Variants in PDILT observed in about 807,000 individuals in gnomAD.
PDILT encodes the protein protein disulfide-isomerase-like protein of the testis.
PDILT carries 43 observed loss-of-function variants against 53.7 expected under a neutral mutation model. The observed-to-expected ratio is 0.80, with a 90% CI of 0.63 to 1.03. The LOEUF (loss-of-function observed/expected upper bound fraction) is 1.03. PDILT is among the 50% of genes least tolerant of loss of function. The pLI is 0.00. For synonymous variants in PDILT, 282 were observed against 274.2 expected (o/e 1.03, Z -0.28); for missense variants, 727 against 712.3 (o/e 1.02, Z -0.24).
chr16:20,362,321 C>T (rs1027108772), intron 10 of PDILT, 83 bp downstream of exon 10: 14 of 1,443,186 alleles, frequency 9.7e-6, no homozygotes, highest in Middle Eastern at 2.3e-4. Context: ...TGGTAGAAAG[C>T]GCAGCTGGTG....
rs758598734 is a variant in PDILT, at chr16:20,373,150, G to A, written c.682-28C>T. The A allele has an allele frequency of 8.3e-6, 13 of 1,570,366 alleles. No homozygotes were observed. In the East Asian group the frequency reaches 2.5e-4, roughly 30 times the overall value. On this transcript the variant is annotated intron_variant, in intron 5 of 11. Coordinates refer to ENST00000302451, the MANE Select transcript of PDILT (RefSeq NM_174924.2). The stretch of plus-strand genomic sequence containing the variant: ...TGTACAAAAGGAGAAACATATTGGA[G>A]GACAGTAGCTTTCATGATATAGCCA...
chr16:20,404,086 C>T (rs1966783246), intron 1 of PDILT, among the ~76,000 whole-genome samples: 1 of 152,072 alleles, frequency 6.6e-6, no homozygotes, highest in East Asian at 1.9e-4. Context: ...ATGTAAATAC[C>T]ATTGTTCACA....
intron 1 of PDILT, 137 bp from the exon 2 acceptor site, chr16:20,399,444 G>T: frequency 2.3e-6 from 2 of 880,332 alleles, no homozygotes; most frequent in East Asian, 2.6e-5. Flanking sequence ...AATGCCTGCA[G>T]CTTGGCAGCA....
intron 3 of PDILT, among the ~76,000 whole-genome samples, chr16:20,378,106 C>A (rs1169815093): frequency 6.6e-6 from 1 of 152,182 alleles, no homozygotes; most frequent in Non-Finnish European, 1.5e-5. Flanking sequence ...GCACCCTGAG[C>A]TACTAAATCA....
intron 1 of PDILT, among the ~76,000 whole-genome samples, chr16:20,404,123 C>G (rs1278469966): frequency 6.6e-6 from 1 of 152,128 alleles, no homozygotes; most frequent in Admixed American, 6.5e-5. Context: ...CAGAACAGTG[C>G]CTGTACCAGA....
chr16:20,385,724 C>A (rs560848870), intron 2 of PDILT, among the ~76,000 whole-genome samples: 1 of 152,110 alleles, frequency 6.6e-6, no homozygotes, highest in Non-Finnish European at 1.5e-5. Flanking sequence ...GCCACTTGTA[C>A]CCCCAAAGCT....
intron 3 of PDILT, among the ~76,000 whole-genome samples, chr16:20,379,485 A>G (rs756262801): frequency 3.3e-5 from 5 of 152,132 alleles, no homozygotes; most frequent in Admixed American, 6.5e-5. Context: ...CTAATTTTTA[A>G]GCAATTTTTA....
chr16:20,367,403 A>C (rs1479777465), intron 8 of PDILT, among the ~76,000 whole-genome samples: 1 of 152,160 alleles, frequency 6.6e-6, no homozygotes, highest in African/African-American at 2.4e-5. Flanking sequence ...AAGCACTTAA[A>C]GATTCTTTCA....
At chr16:20,391,489 T>G (rs928359331) in intron 2 of PDILT, among the ~76,000 whole-genome samples, 1 of 152,184 alleles carries the variant, frequency 6.6e-6, no homozygotes, top group Non-Finnish European at 1.5e-5. Context: ...TAAAGGACCC[T>G]AGACAGCTCC....
chr16:20,367,041 T>TTTCTC (rs1223909448), intron 8 of PDILT, among the ~76,000 whole-genome samples: 1 of 34,168 alleles, frequency 2.9e-5, no homozygotes, highest in African/African-American at 1.2e-4. Flanking sequence ...CTTTCTTTCT[T>TTTCTC]TCTTTCTTTC....
intron 8 of PDILT, among the ~76,000 whole-genome samples, chr16:20,369,160 G>C (rs1966263355): frequency 6.6e-6 from 1 of 152,224 alleles, no homozygotes; most frequent in Non-Finnish European, 1.5e-5. Context: ...GGACCAAGTA[G>C]ATCTTTCACA....
chr16:20,366,323 A>G (rs1966191373), intron 8 of PDILT, among the ~76,000 whole-genome samples: 1 of 151,562 alleles, frequency 6.6e-6, no homozygotes. Context: ...AGGCCTCCCC[A>G]CTCCTGATTC....
At position 20,359,488 on chromosome 16, in the gene PDILT, C is replaced by A. The variant is rs9652588; in HGVS notation, c.1586G>T (p.Gly529Val). Reference protein sequence around the residue: ...EEKEVPMMRKGLPEQQSPELE... With the variant: ...EEKEVPMMRKVLPEQQSPELE... ...CTCAGGCGACTGCTGTTCAGGTAAC[C>A]CTTTCCTCATCATAGGCACCTCCTT... The change falls in exon 12 of 12, where the codon GGG becomes GTG. Residue 529 changes from glycine to valine, a missense_variant. By Grantham distance (109) the Gly-to-Val change is moderately radical. Coordinates refer to ENST00000302451, the MANE Select transcript of PDILT (RefSeq NM_174924.2). 4.3e-6 allele frequency: 7 copies of A among 1,613,288 alleles called. No individual in the cohort carries two copies. Among genetic ancestry groups the A allele is most frequent in the Non-Finnish European group, 5.9e-6 (7 of 1,179,742 alleles).
At chr16:20,398,131 T>C (rs1485218704) in intron 2 of PDILT, among the ~76,000 whole-genome samples, 2 of 152,192 alleles carry the variant, frequency 1.3e-5, no homozygotes, top group African/African-American at 4.8e-5. Flanking sequence ...TCACATTTAA[T>C]GAAGCACTTA....
intron 4 of PDILT, among the ~76,000 whole-genome samples, chr16:20,375,576 T>C (rs1009459909): frequency 1.3e-5 from 2 of 152,244 alleles, no homozygotes; most frequent in Admixed American, 6.5e-5. Flanking sequence ...AAGGCTATTA[T>C]GAGACGTTTC....
intron 1 of PDILT, among the ~76,000 whole-genome samples, chr16:20,399,793 C>A (rs184793473): frequency 4.0e-5 from 6 of 151,284 alleles, no homozygotes; most frequent in Admixed American, 3.3e-4. Flanking sequence ...GCAGTGTACC[C>A]TGTTTAATTT....
chr16:20,373,626 T>C (rs1966339184), intron 5 of PDILT, among the ~76,000 whole-genome samples: 1 of 152,264 alleles, frequency 6.6e-6, no homozygotes, highest in East Asian at 1.9e-4. Context: ...TAAACGGAGG[T>C]GTAACTAGAC....
At chr16:20,366,366 A>G (rs992327771) in intron 8 of PDILT, among the ~76,000 whole-genome samples, 2 of 152,122 alleles carry the variant, frequency 1.3e-5, no homozygotes, top group Middle Eastern at 3.4e-3. Context: ...GTAACTCAAA[A>G]TGTATGTCTC....
intron 2 of PDILT, 118 bp downstream of exon 2, chr16:20,398,981 T>G: frequency 5.5e-6 from 6 of 1,089,736 alleles, no homozygotes; most frequent in Non-Finnish European, 8.1e-6. Context: ...TAAATGTCTG[T>G]TTTAAATAAT....
Sources: gnomAD v4.1 joint callset for allele counts (sites outside exome capture counted in the v4.1 genomes callset) on GRCh38, gnomAD v4.1.1 for gene constraint, MANE v1.5 for transcripts, NCBI Gene and HGNC (gene_info 2026-07-23, HGNC 2026-07-21) for gene names.